FBXO47: variants seen among roughly 807,000 people sequenced by gnomAD.
FBXO47 encodes the protein F-box protein 47, also known as F-box only protein 47.
FBXO47 carries 34 observed loss-of-function variants against 53.9 expected under a neutral mutation model. The observed-to-expected ratio is 0.63, with a 90% CI of 0.48 to 0.84. The LOEUF is 0.84. Ranked by LOEUF, FBXO47 falls within the 40% of genes least tolerant of loss-of-function variation. The pLI, the probability that FBXO47 is intolerant of heterozygous loss-of-function variation, is 0.00. For synonymous variants in FBXO47, 165 were observed against 181.6 expected, an observed-to-expected ratio of 0.91 and a Z score of 0.73; for missense variants, 485 against 541.3, an observed-to-expected ratio of 0.90 and a Z score of 1.03.
intron 2 of FBXO47, among the ~76,000 whole-genome samples, chr17:38,962,461 C>T (rs559205562): frequency 6.6e-6 from 1 of 152,042 alleles, no homozygotes; most frequent in South Asian, 2.1e-4. Context: ...ACTAAAAATA[C>T]AAAATTAGCC....
At chr17:38,947,041 AATATATAAAAAC>A (rs1477325615) in intron 6 of FBXO47, among the ~76,000 whole-genome samples, 25 of 133,166 alleles carry the variant, frequency 1.9e-4, no homozygotes, top group African/African-American at 7.9e-4. Context: ...AATATATGTA[AATATATAAAAAC>A]ATATATAAAT....
chr17:38,940,948 G>T (rs1355781011), intron 9 of FBXO47, among the ~76,000 whole-genome samples: 1 of 151,638 alleles, frequency 6.6e-6, no homozygotes, highest in Non-Finnish European at 1.5e-5. Context: ...CAAAGAGCTG[G>T]GATTATAGAC....
intron 3 of FBXO47, among the ~76,000 whole-genome samples, chr17:38,958,869 G>GA (rs1033447138): frequency 2.0e-5 from 3 of 151,490 alleles, no homozygotes; most frequent in Admixed American, 1.3e-4. Flanking sequence ...ACAACTAAGG[G>GA]AAAAAAAAGA....
At chr17:38,957,440 T>C (rs1905607026) in intron 3 of FBXO47, among the ~76,000 whole-genome samples, 187 bp from the exon 4 acceptor site, 1 of 152,208 alleles carries the variant, frequency 6.6e-6, no homozygotes, top group African/African-American at 2.4e-5. Flanking sequence ...ATTTACCAAG[T>C]GACTCTGATG....
chr17:38,951,861 T>C (rs920352084), intron 5 of FBXO47, among the ~76,000 whole-genome samples, 172 bp from the exon 6 acceptor site: 5 of 152,034 alleles, frequency 3.3e-5, no homozygotes, highest in Non-Finnish European at 7.4e-5. Context: ...TAAAACCTTG[T>C]CTCTACTAAA....
chr17:38,952,815 C>CTTTTTTTTTTTTTTTTTTTTTTTTTTTTT lies in FBXO47; in HGVS notation c.508-1127_508-1126insAAAAAAAAAAAAAAAAAAAAAAAAAAAAA, dbSNP rs139105548. Among the ~76,000 whole-genome samples, 3 of 115,354 alleles carry CTTTTTTTTTTTTTTTTTTTTTTTTTTTTT rather than the reference C, an allele frequency of 2.6e-5. No homozygotes were observed. The East Asian group carries it at 8.5e-4, about 32-fold the overall frequency. 75.7% of individuals were successfully genotyped at this position (115,354 alleles called of 152,430 possible). A position where few individuals can be genotyped will look rare whatever the true frequency, so the allele number is the denominator to read the frequency against. ...GACAATTCTGAGCATTTATTTATGA[C>CTTTTTTTTTTTTTTTTTTTTTTTTTTTTT]TTTTTTTTTTTTTTTTTTTGTAGAG... On this transcript the variant is annotated intron_variant, in intron 5 of 10. Coordinates refer to ENST00000378079, the MANE Select transcript of FBXO47 (RefSeq NM_001008777.3).
intron 3 of FBXO47, among the ~76,000 whole-genome samples, chr17:38,959,454 C>A (rs951795786): frequency 6.6e-6 from 1 of 151,570 alleles, no homozygotes; most frequent in African/African-American, 2.4e-5. Context: ...GTGGTGCATG[C>A]CTGTAATCCC....
intron 5 of FBXO47, among the ~76,000 whole-genome samples, chr17:38,953,125 CCACACACACACACACACA>C (rs768926649): frequency 8.5e-6 from 1 of 117,870 alleles, no homozygotes; most frequent in South Asian, 2.9e-4. Flanking sequence ...AAAAAAAAAA[CCACACACACACACACACA>C]CACACACACA....
In FBXO47 at chr17:38,965,860, G is replaced by A. The variant is rs1399881393; in HGVS notation, c.-27+1369C>T. Among the ~76,000 whole-genome samples, 4 of 149,798 alleles carry A rather than the reference G, an allele frequency of 2.7e-5. No homozygotes were observed. The East Asian group carries it at 5.8e-4, about 22-fold the overall frequency. On this transcript the variant is annotated intron_variant, in intron 1 of 10. Transcript: ENST00000378079. ...ATCACACCACTGCACTCCAGCCTGG[G>A]TGACAGAGCAAGAATCTGCCTCAAA...
At chr17:38,963,864 A>G (rs1373687228) in intron 1 of FBXO47, among the ~76,000 whole-genome samples, 2 of 135,868 alleles carry the variant, frequency 1.5e-5, no homozygotes, top group African/African-American at 5.4e-5. Context: ...TGGCATGATG[A>G]TAGCTCATTG....
intron 6 of FBXO47, among the ~76,000 whole-genome samples, chr17:38,950,690 A>G (rs905135338): frequency 2.0e-5 from 3 of 152,072 alleles, no homozygotes; most frequent in African/African-American, 7.2e-5. Context: ...ATAATTTAAA[A>G]ATATGAAATA....
At position 38,962,068 on chromosome 17, in the gene FBXO47, G is replaced by T. The variant is rs1598149807; in HGVS notation, c.182-21C>A. The T allele has an allele frequency of 1.9e-6, 3 of 1,595,528 alleles. No homozygotes were observed. The East Asian group carries it at 6.7e-5, about 36-fold the overall frequency. On this transcript the variant is annotated intron_variant, in intron 2 of 10. Transcript: ENST00000378079. ...CTTCACTACCAAAAGAAATATATATGTGTATGTATCAATGGCTTAAATGCA... is the reference window on the plus strand; with the variant it reads ...CTTCACTACCAAAAGAAATATATATTTGTATGTATCAATGGCTTAAATGCA...
At chr17:38,947,095 C>CAT (rs1182325303) in intron 6 of FBXO47, among the ~76,000 whole-genome samples, 1,394 of 130,776 alleles carry the variant, frequency 0.011, 40 homozygotes, top group African/African-American at 0.038. Context: ...TATATATAAA[C>CAT]ATATATATAA....
At chr17:38,947,026 A>G (rs1904960452) in intron 6 of FBXO47, among the ~76,000 whole-genome samples, 1 of 137,948 alleles carries the variant, frequency 7.2e-6, no homozygotes, top group Non-Finnish European at 1.5e-5. Context: ...ATATAAACAT[A>G]TACAAATATA....
intron 8 of FBXO47, 22 bp from the exon 9 acceptor site, chr17:38,942,942 T>A: frequency 6.3e-7 from 1 of 1,586,580 alleles, no homozygotes; most frequent in Non-Finnish European, 8.6e-7. Flanking sequence ...GGAAGAACAA[T>A]TATTTAATGA....
At chr17:38,949,602 G>T (rs1905125552) in intron 6 of FBXO47, among the ~76,000 whole-genome samples, 1 of 152,126 alleles carries the variant, frequency 6.6e-6, no homozygotes, top group Admixed American at 6.6e-5. Context: ...AGACTATTTT[G>T]CAAACTGACT....
intron 6 of FBXO47, among the ~76,000 whole-genome samples, chr17:38,947,061 A>AAC (rs1318882912): frequency 4.4e-5 from 6 of 136,604 alleles, no homozygotes; most frequent in African/African-American, 1.7e-4. Context: ...AACATATATA[A>AAC]ATATATATAA....
Position 38,937,308 on chromosome 17 carries a change from T to C in FBXO47, c.1244-18A>G. The C allele has an allele frequency of 9.4e-7, 1 of 1,066,000 alleles. No homozygotes were observed. Among genetic ancestry groups the C allele is most frequent in the South Asian group, 1.5e-5 (1 of 65,322 alleles). 66.0% of individuals were successfully genotyped at this position (1,066,000 alleles called of 1,614,324 possible). The stretch of plus-strand genomic sequence containing the variant: ...ACGGTCTCCTATATGCCATACATAG[T>C]GGGGAAAAGAAAATGACAGTTAAAA... On this transcript the variant is annotated intron_variant, in intron 10 of 10. Coordinates refer to ENST00000378079, the MANE Select transcript of FBXO47 (RefSeq NM_001008777.3).
intron 6 of FBXO47, among the ~76,000 whole-genome samples, chr17:38,950,612 T>C (rs2143932153): frequency 6.6e-6 from 1 of 152,130 alleles, no homozygotes; most frequent in South Asian, 2.1e-4. Context: ...CAATGACCAT[T>C]CATATGCATG....
Sources: gnomAD v4.1 joint callset for allele counts (sites outside exome capture counted in the v4.1 genomes callset) on GRCh38, gnomAD v4.1.1 for gene constraint, MANE v1.5 for transcripts, NCBI Gene and HGNC (gene_info 2026-07-23, HGNC 2026-07-21) for gene names.